Variants in CHD1 observed in about 807,000 individuals in gnomAD.
CHD1 encodes ATP-dependent chromatin remodeler CHD1.
CHD1 carries 36 observed loss-of-function variants against 224.2 expected under a neutral mutation model. The ratio of observed to expected loss-of-function variants is 0.16; its 90% CI spans 0.12 to 0.21. The LOEUF (loss-of-function observed/expected upper bound fraction) is 0.21, where lower values mean the gene tolerates loss of function less well. Ranked by LOEUF, CHD1 falls within the 10% of genes least tolerant of loss-of-function variation. The probability of loss-of-function intolerance (pLI) is 1.00; values close to 1 mark genes in which losing one functional copy is unlikely to be tolerated. For synonymous variants in CHD1, 668 were observed against 658.3 expected, an observed-to-expected ratio of 1.01 and a Z score of -0.23; for missense variants, 1,378 against 1,994.8, an observed-to-expected ratio of 0.69 and a Z score of 5.89.
intron 18 of CHD1, among the ~76,000 whole-genome samples, chr5:98,883,554 C>G (rs1469268007): frequency 1.3e-5 from 2 of 151,744 alleles, no homozygotes; most frequent in Non-Finnish European, 2.9e-5. Context: ...GTGGAAATTC[C>G]TTAAAGGAAC....
chr5:98,889,566 C>T (rs1750875932), intron 15 of CHD1, among the ~76,000 whole-genome samples: 2 of 141,882 alleles, frequency 1.4e-5, no homozygotes, highest in South Asian at 4.3e-4. Flanking sequence ...CTGCATTAGA[C>T]AGCTAATGAA....
rs896942596 is a variant in CHD1 at position 98,854,666 on chromosome 5, C to T, written c.*1714G>A. ...AGAGAAATTACTGCAAAAAACAAAA[C>T]AAAAAGCAAAAAAACCCACAAGCTT... On this transcript the variant is annotated 3_prime_UTR_variant, in exon 36 of 36. Coordinates refer to ENST00000614616, the MANE Select transcript of CHD1 (RefSeq NM_001270.4). 3.9e-5 allele frequency: 6 copies of T among 151,908 alleles called. No individual in the cohort carries two copies. The East Asian group carries it at 1.2e-3, about 29-fold the overall frequency. 9.4% of individuals were successfully genotyped at this position (151,908 alleles called of 1,614,324 possible).
Position 98,875,122 on chromosome 5 carries a change from AAAT to A in CHD1, c.3399-12_3399-10del, listed in dbSNP as rs1302855381. The stretch of plus-strand genomic sequence containing the variant: ...TATAGCTCTTGATAAACCTAAGAGA[AAAT>A]AATTGTTTGGTAAATGTGAGCTTCA... On this transcript the variant is annotated splice_polypyrimidine_tract_variant and intron_variant, in intron 24 of 35. Coordinates refer to ENST00000614616, the MANE Select transcript of CHD1 (RefSeq NM_001270.4). 2.0e-6 allele frequency: 3 copies of A among 1,485,120 alleles called. No homozygotes were observed. Among genetic ancestry groups the A allele is most frequent in the Non-Finnish European group, 2.8e-6 (3 of 1,072,730 alleles). The allele number at this position is 1,485,120 out of a possible 1,614,324, so 92.0% of individuals were successfully genotyped here.
rs556500717 is a variant in CHD1, at chr5:98,928,853, C to T, written c.-463G>A. The T allele has an allele frequency of 1.7e-4, 26 of 157,440 alleles. No homozygotes were observed. In the South Asian group the frequency reaches 2.2e-3, roughly 13 times the overall value. The allele number at this position is 157,440 out of a possible 1,614,324, so 9.8% of individuals were successfully genotyped here. Reference sequence around the variant, plus strand: ...CGCGCGCGCGCTCCCGCTCCCTCCGCTTATCTGCCCCCGGCAGCCGCCATG... The same window carrying T: ...CGCGCGCGCGCTCCCGCTCCCTCCGTTTATCTGCCCCCGGCAGCCGCCATG... On this transcript the variant is annotated 5_prime_UTR_variant, in exon 1 of 36. Transcript: ENST00000614616.
rs1354686140 is a variant in CHD1 at position 98,856,447 on chromosome 5, G to A, written c.5066C>T (p.Ser1689Phe). The change falls in exon 36 of 36, where the codon TCT becomes TTT. Residue 1689 changes from serine to phenylalanine, a missense_variant. Ser to Phe is a radical substitution (Grantham distance 155). Transcript: ENST00000614616. ...LDQRSPYGSR[S>F]PFEHSVEHKS... ...GTGTTCAACTGAATGTTCAAATGGAGATCTGGAGCCATAAGGAGATCTCTG... is the reference window on the plus strand; with the variant it reads ...GTGTTCAACTGAATGTTCAAATGGAAATCTGGAGCCATAAGGAGATCTCTG... 6 of 1,603,184 alleles carry A rather than the reference G, an allele frequency of 3.7e-6. No individual in the cohort carries two copies. The highest frequency in any genetic ancestry group is 4.5e-5 in the East Asian group (2 of 44,858).
intron 2 of CHD1, among the ~76,000 whole-genome samples, chr5:98,914,544 A>G (rs1457899974): frequency 6.6e-6 from 1 of 152,178 alleles, no homozygotes; most frequent in Non-Finnish European, 1.5e-5. Context: ...ATGTGAAAGT[A>G]AAAAGATAAA....
intron 2 of CHD1, among the ~76,000 whole-genome samples, chr5:98,915,281 A>C (rs1200775137): frequency 6.6e-6 from 1 of 152,226 alleles, no homozygotes; most frequent in Non-Finnish European, 1.5e-5. Context: ...AGTTCCTTTC[A>C]GCATTCTAAA....
chr5:98,898,827 C>G, intron 8 of CHD1, 63 bp from the exon 9 acceptor site: 1 of 874,332 alleles, frequency 1.1e-6, no homozygotes, highest in Non-Finnish European at 1.9e-6. Context: ...TTCACTCCCC[C>G]ATCCCCAACA....
chr5:98,866,108 AAAAAACAAAAAC>A (rs898877194), intron 31 of CHD1, among the ~76,000 whole-genome samples: 20 of 151,776 alleles, frequency 1.3e-4, no homozygotes, highest in Non-Finnish European at 2.2e-4. Context: ...CAGAGTAGGT[AAAAAACAAAAAC>A]AAAAACAAAA....
At chr5:98,883,703 C>A (rs186305084) in intron 18 of CHD1, among the ~76,000 whole-genome samples, 121 of 151,396 alleles carry the variant, frequency 8.0e-4, no homozygotes, top group Non-Finnish European at 1.2e-3. Flanking sequence ...GTGGAACCAG[C>A]CCAAACGCCC....
At chr5:98,899,436 T>C (rs1470665955) in intron 8 of CHD1, 44 bp downstream of exon 8, 1 of 1,188,478 alleles carries the variant, frequency 8.4e-7, no homozygotes, top group Non-Finnish European at 1.2e-6. Flanking sequence ...GGTTTAGTAA[T>C]CTTTGAACTA....
At chr5:98,859,207 TAA>T (rs1748281179) in intron 33 of CHD1, among the ~76,000 whole-genome samples, 192 bp from the exon 34 acceptor site, 1 of 152,146 alleles carries the variant, frequency 6.6e-6, no homozygotes, top group Non-Finnish European at 1.5e-5. Flanking sequence ...TCCCATGACT[TAA>T]AGATATTTTT....
chr5:98,875,174 T>G, intron 24 of CHD1, 61 bp from the exon 25 acceptor site: 1 of 916,546 alleles, frequency 1.1e-6, no homozygotes, highest in Non-Finnish European at 1.7e-6. Context: ...TTATACGTAT[T>G]TCTGATATTT....
intron 31 of CHD1, among the ~76,000 whole-genome samples, chr5:98,865,269 G>C (rs548220862): frequency 6.6e-6 from 1 of 152,176 alleles, no homozygotes; most frequent in African/African-American, 2.4e-5. Context: ...GTAAGTCAGA[G>C]AAGTGGCCGG....
At chr5:98,885,673 CT>C in intron 17 of CHD1, 24 bp from the exon 18 acceptor site, 1 of 1,291,132 alleles carries the variant, frequency 7.7e-7, no homozygotes, top group Non-Finnish European at 1.1e-6. Flanking sequence ...CATTAAAATA[CT>C]GCATAAACAG....
At chr5:98,899,168 T>C (rs1198090594) in intron 8 of CHD1, among the ~76,000 whole-genome samples, 1 of 152,204 alleles carries the variant, frequency 6.6e-6, no homozygotes, top group Non-Finnish European at 1.5e-5. Flanking sequence ...TCCTCCCCCA[T>C]ACTTTAAATC....
intron 2 of CHD1, among the ~76,000 whole-genome samples, chr5:98,922,222 C>CCA (rs1753145559): frequency 6.6e-6 from 1 of 152,140 alleles, no homozygotes; most frequent in Non-Finnish European, 1.5e-5. Flanking sequence ...CTTGCAAATA[C>CCA]CACCACAAAT....
At chr5:98,874,925 T>A (rs994095919) in intron 25 of CHD1, 147 bp downstream of exon 25, 4 of 550,890 alleles carry the variant, frequency 7.3e-6, no homozygotes, top group Non-Finnish European at 1.3e-5. Context: ...TTAAAAACAA[T>A]CTGAAATTTC....
intron 10 of CHD1, among the ~76,000 whole-genome samples, chr5:98,897,885 T>C (rs145420554): frequency 2.4e-4 from 37 of 152,312 alleles, no homozygotes; most frequent in African/African-American, 7.7e-4. Flanking sequence ...ATCTTTAAAA[T>C]TGAGCATATC....
Sources: gnomAD v4.1 joint callset for allele counts (sites outside exome capture counted in the v4.1 genomes callset) on GRCh38, gnomAD v4.1.1 for gene constraint, MANE v1.5 for transcripts, NCBI Gene and HGNC (gene_info 2026-07-23, HGNC 2026-07-21) for gene names.